ANKRD11: variants seen among roughly 807,000 people sequenced by gnomAD.
The protein encoded by ANKRD11 is ankyrin repeat domain-containing protein 11.
ANKRD11 carries 17 observed loss-of-function variants against 195.7 expected under a neutral mutation model. That is an observed-to-expected ratio of 0.09 (90% confidence interval 0.06 to 0.13). The LOEUF (loss-of-function observed/expected upper bound fraction) is 0.13, where lower values mean the gene tolerates loss of function less well. Among genes scored for constraint, ANKRD11 ranks in the 10% least tolerant of loss-of-function variants. The pLI is 1.00. For missense variants in ANKRD11, 3,735 were observed against 3,566.1 expected (o/e 1.05, Z -1.21); for synonymous variants, 1,953 against 1,528.1 (o/e 1.28, Z -6.49).
chr16:89,409,370 G>T (rs996119973), intron 2 of ANKRD11, among the ~76,000 whole-genome samples: 2 of 152,208 alleles, frequency 1.3e-5, no homozygotes, highest in African/African-American at 2.4e-5. Context: ...CAGGGGTGGG[G>T]TGGGAAGGCG....
chr16:89,279,899 C>T lies in ANKRD11; in HGVS notation c.6643G>A (p.Val2215Met), dbSNP rs1259405084. The change falls in exon 9 of 13, where the codon GTG becomes ATG. Residue 2215 changes from valine to methionine, a missense_variant. Val to Met is a conservative substitution (Grantham distance 21). Coordinates refer to ENST00000301030, the MANE Select transcript of ANKRD11 (RefSeq NM_013275.6). This position sits in a 1 kb window ranked among gnomAD's most constrained non-coding sequence, Gnocchi z 5.6. The part of the protein sequence containing the change: ...PEPSGEPKLD[V>M]ALEAAVEAET... The stretch of plus-strand genomic sequence containing the variant: ...GCCTCCACCGCAGCTTCTAGAGCCA[C>T]GTCCAGCTTTGGCTCCCCTGAGGGC... 6.2e-7 allele frequency: 1 copy of T among 1,607,026 alleles called. No individual in the cohort carries two copies. The highest frequency in any genetic ancestry group is 8.5e-7 in the Non-Finnish European group (1 of 1,178,326).
Position 89,279,044 on chromosome 16 carries a change from C to T in ANKRD11, c.7470+28G>A, listed in dbSNP as rs572746753. ...CCAGACGCATCCCAGAGAGAGAAGG[C>T]AGTGGCTCTCCCGGGCCCCGCACTC... On this transcript the variant is annotated intron_variant, in intron 9 of 12. Transcript: ENST00000301030. This position sits in a 1 kb window ranked among gnomAD's most constrained non-coding sequence, Gnocchi z 5.6. The T allele has an allele frequency of 6.2e-5, 100 of 1,612,700 alleles. No homozygotes were observed. Among genetic ancestry groups the T allele is most frequent in the Non-Finnish European group, 3.4e-6 (4 of 1,179,506 alleles).
chr16:89,442,206 C>G (rs567954266), intron 1 of ANKRD11, among the ~76,000 whole-genome samples: 1 of 152,330 alleles, frequency 6.6e-6, no homozygotes, highest in East Asian at 1.9e-4. Context: ...ACAACGCACG[C>G]CCACTGGTGC....
intron 1 of ANKRD11, chr16:89,458,747 C>T (rs1004741043): frequency 4.1e-4 from 62 of 152,334 alleles, no homozygotes; most frequent in African/African-American, 1.4e-3. Flanking sequence ...GTAACCAAAA[C>T]TTGATTTAAC....
rs754010341 is a variant in ANKRD11, at chr16:89,285,106, G to A, written c.1436C>T (p.Ser479Leu). The change falls in exon 9 of 13, where the codon TCG becomes TTG. Residue 479 changes from serine to leucine, a missense_variant. Physicochemically the swap from Ser to Leu is moderately radical, Grantham distance 145. Transcript: ENST00000301030. This position sits in a 1 kb window ranked among gnomAD's most constrained non-coding sequence, Gnocchi z 5.6. ...FGKRSDKFCS[S>L]ESESESSESG... ...CTCTGAGGACTCGCTCTCCGACTCCGAGGAGCAGAACTTGTCGCTCCGCTT... is the reference window on the plus strand; with the variant it reads ...CTCTGAGGACTCGCTCTCCGACTCCAAGGAGCAGAACTTGTCGCTCCGCTT... 6.8e-6 allele frequency: 11 copies of A among 1,613,634 alleles called. No homozygotes were observed. The highest frequency in any genetic ancestry group is 4.5e-5 in the East Asian group (2 of 44,890).
chr16:89,478,174 G>C (rs2057320911), intron 1 of ANKRD11, among the ~76,000 whole-genome samples: 1 of 152,142 alleles, frequency 6.6e-6, no homozygotes, highest in Non-Finnish European at 1.5e-5. Context: ...AGTGACAGTG[G>C]CCCAGCTGCC....
chr16:89,395,464 C>A (rs1567745459), intron 2 of ANKRD11, among the ~76,000 whole-genome samples: 1 of 152,240 alleles, frequency 6.6e-6, no homozygotes, highest in Non-Finnish European at 1.5e-5. Context: ...GGCTGGGACA[C>A]GTGCTGCTTC....
chr16:89,330,779 T>A (rs955103244), intron 2 of ANKRD11, among the ~76,000 whole-genome samples: 1 of 148,644 alleles, frequency 6.7e-6, no homozygotes, highest in Non-Finnish European at 1.5e-5. Flanking sequence ...TAGCCCACAC[T>A]CTGCAGAGAA....
At chr16:89,393,389 T>C (rs1403285603) in intron 2 of ANKRD11, among the ~76,000 whole-genome samples, 2 of 150,622 alleles carry the variant, frequency 1.3e-5, no homozygotes, top group African/African-American at 4.9e-5. Flanking sequence ...AGTGGCGCAA[T>C]ATTGGCTCAC....
intron 1 of ANKRD11, among the ~76,000 whole-genome samples, chr16:89,447,804 C>CTTTT (rs753581064): frequency 2.0e-4 from 27 of 135,280 alleles, no homozygotes; most frequent in African/African-American, 6.7e-4. Flanking sequence ...ATAACTTTTT[C>CTTTT]TTTTTTTTTT....
intron 2 of ANKRD11, among the ~76,000 whole-genome samples, chr16:89,325,656 C>T (rs1274193867): frequency 1.3e-5 from 2 of 152,184 alleles, no homozygotes; most frequent in African/African-American, 4.8e-5. Flanking sequence ...GAAACGGGTT[C>T]TAAGTGAAGG....
chr16:89,382,628 C>T (rs980576616), intron 2 of ANKRD11, among the ~76,000 whole-genome samples: 8 of 151,824 alleles, frequency 5.3e-5, no homozygotes, highest in African/African-American at 1.9e-4. Context: ...TGAGCCACCA[C>T]ACTTGGCCGA....
intron 2 of ANKRD11, among the ~76,000 whole-genome samples, chr16:89,339,091 G>C (rs1407512324): frequency 6.6e-6 from 1 of 152,094 alleles, no homozygotes; most frequent in Admixed American, 6.6e-5. Flanking sequence ...ACCGCTGATG[G>C]GTGAGCGTTG....
chr16:89,339,593 AG>A (rs1334449735), intron 2 of ANKRD11, among the ~76,000 whole-genome samples: 1 of 152,260 alleles, frequency 6.6e-6, no homozygotes, highest in African/African-American at 2.4e-5. Flanking sequence ...ATTTCTACAC[AG>A]AAAATATTTT....
At chr16:89,379,675 G>T (rs544520670) in intron 2 of ANKRD11, among the ~76,000 whole-genome samples, 3 of 152,188 alleles carry the variant, frequency 2.0e-5, no homozygotes, top group Non-Finnish European at 4.4e-5. Context: ...TGACTGGGAC[G>T]CGAGCGCCCC....
intron 2 of ANKRD11, among the ~76,000 whole-genome samples, chr16:89,357,710 C>T (rs3114878): frequency 3.0e-3 from 462 of 152,260 alleles, no homozygotes; most frequent in Non-Finnish European, 4.6e-3. Context: ...GCCAATGCTG[C>T]GGACTCCACT....
At chr16:89,350,088 C>T (rs1216731204) in intron 2 of ANKRD11, among the ~76,000 whole-genome samples, 3 of 152,278 alleles carry the variant, frequency 2.0e-5, no homozygotes, top group African/African-American at 7.2e-5. Context: ...AAAAAAGCCA[C>T]ATGAAAAGAC....
intron 1 of ANKRD11, among the ~76,000 whole-genome samples, chr16:89,475,116 C>T (rs971777419): frequency 2.0e-5 from 3 of 152,190 alleles, no homozygotes; most frequent in Non-Finnish European, 2.9e-5. Context: ...CCAACAGACC[C>T]TCTTGACTGT....
At chr16:89,381,280 C>T (rs992987431) in intron 2 of ANKRD11, among the ~76,000 whole-genome samples, 1 of 142,786 alleles carries the variant, frequency 7.0e-6, no homozygotes, top group Non-Finnish European at 1.5e-5. Context: ...TGCAGTGAGG[C>T]GACAATGCGC....
Sources: allele counts gnomAD v4.1 joint callset (sites outside exome capture counted in the v4.1 genomes callset), GRCh38; gene constraint gnomAD v4.1.1; non-coding constraint Gnocchi (gnomAD v3.1); transcripts MANE v1.5; gene names NCBI Gene and HGNC (gene_info 2026-07-23, HGNC 2026-07-21).